The following MTURN variants were observed in gnomAD, a reference collection of about 807,000 sequenced individuals.
The protein encoded by MTURN is maturin.
MTURN carries 7 observed loss-of-function variants against 14.9 expected under a neutral mutation model. The observed-to-expected ratio is 0.47, with a 90% CI of 0.27 to 0.88. MTURN has a LOEUF of 0.88. Ranked by LOEUF, MTURN falls within the 40% of genes least tolerant of loss-of-function variation. MTURN has a pLI of 0.14. For synonymous variants in MTURN, 69 were observed against 72.5 expected (o/e 0.95, Z 0.25); for missense variants, 151 against 174.1 (o/e 0.87, Z 0.75).
chr7:30,139,894 C>T (rs772542569), intron 1 of MTURN, among the ~76,000 whole-genome samples: 1 of 152,194 alleles, frequency 6.6e-6, no homozygotes, highest in Non-Finnish European at 1.5e-5. Flanking sequence ...GCTGCTAGTG[C>T]CCTGTGTGTG....
rs1562573285 is a variant in MTURN at position 30,160,792 on chromosome 7, G to A, written c.*3244G>A. 1 of 152,160 alleles carries A rather than the reference G, an allele frequency of 6.6e-6. No individual in the cohort carries two copies. Among genetic ancestry groups the A allele is most frequent in the East Asian group, 1.9e-4 (1 of 5,166 alleles). The allele number at this position is 152,160 out of a possible 1,614,324, so 9.4% of individuals were successfully genotyped here. ...GCAGACGTCAAGGAATCAGAGTGAA[G>A]TACGGAGCCAGGGAGGGAGGTGAGG... On this transcript the variant is annotated 3_prime_UTR_variant, in exon 3 of 3. Coordinates refer to ENST00000324453, the MANE Select transcript of MTURN (RefSeq NM_152793.3).
chr7:30,140,415 G>GTGTGTGTGTATATATATATATATATATC (rs33952294), intron 1 of MTURN, among the ~76,000 whole-genome samples: 1 of 143,732 alleles, frequency 7.0e-6, no homozygotes, highest in Non-Finnish European at 1.5e-5. Flanking sequence ...GTGTGTGTGT[G>GTGTGTGTGTATATATATATATATATATC]TATCCCCATT....
intron 2 of MTURN, among the ~76,000 whole-genome samples, 161 bp from the exon 3 acceptor site, chr7:30,157,277 G>A (rs981376182): frequency 3.9e-5 from 6 of 152,168 alleles, no homozygotes; most frequent in Non-Finnish European, 7.3e-5. Flanking sequence ...TGACATTTCC[G>A]TCTAACAAGT....
intron 1 of MTURN, among the ~76,000 whole-genome samples, chr7:30,143,370 T>TC (rs1391925649): frequency 8.0e-5 from 12 of 149,736 alleles, no homozygotes; most frequent in South Asian, 2.1e-4. Flanking sequence ...TTTTTTTTTT[T>TC]CCCAATGACA....
chr7:30,157,042 A>G (rs1197405076), intron 2 of MTURN, among the ~76,000 whole-genome samples: 3 of 152,158 alleles, frequency 2.0e-5, no homozygotes, highest in African/African-American at 7.2e-5. Context: ...AATAAATAAT[A>G]GCACCGTGTG....
intron 1 of MTURN, among the ~76,000 whole-genome samples, chr7:30,136,046 T>A (rs1381602986): frequency 6.6e-6 from 1 of 151,776 alleles, no homozygotes; most frequent in East Asian, 1.9e-4. Flanking sequence ...CCTCTCCCCC[T>A]GCCCCCGCGC....
At chr7:30,148,293 G>C (rs577128140) in intron 2 of MTURN, among the ~76,000 whole-genome samples, 1 of 152,186 alleles carries the variant, frequency 6.6e-6, no homozygotes, top group East Asian at 1.9e-4. Context: ...TGAAGGCCTC[G>C]GGGTTGGACA....
At chr7:30,154,857 A>T (rs769808743) in intron 2 of MTURN, among the ~76,000 whole-genome samples, 29 of 152,242 alleles carry the variant, frequency 1.9e-4, no homozygotes, top group Middle Eastern at 3.4e-3. Context: ...CTGTCAGTAG[A>T]TGTGCTGGTT....
intron 1 of MTURN, among the ~76,000 whole-genome samples, chr7:30,135,618 C>A (rs1796940192): frequency 6.6e-6 from 1 of 152,140 alleles, no homozygotes; most frequent in African/African-American, 2.4e-5. Flanking sequence ...CCCGACCTCG[C>A]GGCCCGTGCG....
intron 1 of MTURN, chr7:30,137,584 A>G (rs1421793793): frequency 1.7e-5 from 8 of 471,186 alleles, no homozygotes; most frequent in Non-Finnish European, 2.6e-5. Context: ...GGGTGGGCAG[A>G]TGATTCCTTG....
In MTURN at chr7:30,137,523, T is replaced by C. The variant is rs202148399; in HGVS notation, c.162+2225T>C. The C allele has an allele frequency of 4.7e-4, 205 of 439,920 alleles. 2 individuals are homozygous for C. Among genetic ancestry groups the C allele is most frequent in the South Asian group, 7.3e-4 (45 of 61,726 alleles). 27.3% of individuals were successfully genotyped at this position (439,920 alleles called of 1,614,324 possible). On this transcript the variant is annotated intron_variant, in intron 1 of 2. Coordinates refer to ENST00000324453, the MANE Select transcript of MTURN (RefSeq NM_152793.3). ...TCTGCATGAGAAAAATGCTTGAAAG[T>C]GTCATGTAAACTGACAATTTAAATA...
chr7:30,136,867 C>T (rs1048634503), intron 1 of MTURN, among the ~76,000 whole-genome samples: 3 of 152,278 alleles, frequency 2.0e-5, no homozygotes, highest in African/African-American at 7.2e-5. Flanking sequence ...TAACACACAG[C>T]AAGAGCCCCA....
chr7:30,141,044 C>T (rs10231610), intron 1 of MTURN: 110,998 of 152,400 alleles, frequency 0.73, 41,463 homozygotes, highest in East Asian at 0.94. Context: ...ACTTAACCTC[C>T]CTGAGCCTCA....
intron 1 of MTURN, among the ~76,000 whole-genome samples, chr7:30,141,612 T>C (rs10248091): frequency 0.1 from 15,847 of 151,902 alleles, 1,914 homozygotes; most frequent in African/African-American, 0.3. Flanking sequence ...TAACCTCAAA[T>C]TCCTGGGCTG....
intron 2 of MTURN, among the ~76,000 whole-genome samples, chr7:30,148,477 C>T (rs1038971576): frequency 2.0e-5 from 3 of 152,214 alleles, no homozygotes; most frequent in African/African-American, 7.2e-5. Flanking sequence ...ATCTTGAAAG[C>T]CTCCCTCTGA....
intron 1 of MTURN, among the ~76,000 whole-genome samples, chr7:30,136,600 G>T (rs1796966384): frequency 6.6e-6 from 1 of 152,110 alleles, no homozygotes; most frequent in Admixed American, 6.5e-5. Flanking sequence ...TCCTGGAGAG[G>T]TGAAGGCTTA....
intron 1 of MTURN, chr7:30,137,436 GTAT>G (rs1232037323): frequency 2.8e-6 from 1 of 361,782 alleles, no homozygotes; most frequent in East Asian, 7.3e-5. Flanking sequence ...GAAGTAAGAA[GTAT>G]TATATTATTT....
chr7:30,139,119 G>A (rs1048013242), intron 1 of MTURN, among the ~76,000 whole-genome samples: 2 of 152,188 alleles, frequency 1.3e-5, no homozygotes, highest in African/African-American at 4.8e-5. Context: ...ATTTGGAGCA[G>A]CATCCATACA....
chr7:30,153,231 C>G (rs1195877750), intron 2 of MTURN, among the ~76,000 whole-genome samples: 1 of 151,970 alleles, frequency 6.6e-6, no homozygotes, highest in East Asian at 1.9e-4. Context: ...TTTAGACTTG[C>G]CCACCATAGG....
Sources: allele counts gnomAD v4.1 joint callset (sites outside exome capture counted in the v4.1 genomes callset), GRCh38; gene constraint gnomAD v4.1.1; transcripts MANE v1.5; gene names NCBI Gene and HGNC (gene_info 2026-07-23, HGNC 2026-07-21).